ADAMTSL1: variants seen among roughly 807,000 people sequenced by gnomAD.
ADAMTSL1 encodes the protein ADAMTS like 1, also known as ADAMTS-like protein 1.
ADAMTSL1 carries 126 observed loss-of-function variants against 201.8 expected under a neutral mutation model. That is an observed-to-expected ratio of 0.62 (90% CI 0.54 to 0.72). The LOEUF (loss-of-function observed/expected upper bound fraction) is 0.72. Ranked by LOEUF, ADAMTSL1 falls within the 30% of genes least tolerant of loss-of-function variation. The probability of loss-of-function intolerance (pLI) is 0.00; values close to 1 mark genes in which losing one functional copy is unlikely to be tolerated. For missense variants in ADAMTSL1, 2,679 were observed against 2,277.8 expected, an observed-to-expected ratio of 1.18 and a Z score of -3.59; for synonymous variants, 1,121 against 903.4, an observed-to-expected ratio of 1.24 and a Z score of -4.32.
At chr9:17,957,986 A>C (rs1827995890) in intron 1 of ADAMTSL1, among the ~76,000 whole-genome samples, 2 of 152,190 alleles carry the variant, frequency 1.3e-5, no homozygotes, top group Non-Finnish European at 2.9e-5. Flanking sequence ...GAAGCCTCCC[A>C]GTTTGTGGTA....
chr9:18,845,868 G>A (rs895471728), intron 23 of ADAMTSL1, among the ~76,000 whole-genome samples: 2 of 152,202 alleles, frequency 1.3e-5, no homozygotes, highest in Admixed American at 6.5e-5. Flanking sequence ...TCTAAAGGCA[G>A]AGCTCACAGT....
chr9:18,045,473 T>A (rs552672617), intron 1 of ADAMTSL1, among the ~76,000 whole-genome samples: 6 of 152,284 alleles, frequency 3.9e-5, no homozygotes, highest in Admixed American at 3.9e-4. Flanking sequence ...TCTGTAGAGA[T>A]GGTTTTGACT....
In ADAMTSL1 at chr9:18,777,614, C is replaced by T. The variant is rs765933633; in HGVS notation, c.3385C>T (p.Pro1129Ser). 8 of 1,613,494 alleles carry T rather than the reference C, an allele frequency of 5.0e-6. No homozygotes were observed. Reference sequence around the variant, plus strand: ...GAAGCCCTCGGAGCGCAGGACTTCCCCAGTGACTCTCTCGCCTCATAAACA... The same window carrying T: ...GAAGCCCTCGGAGCGCAGGACTTCCTCAGTGACTCTCTCGCCTCATAAACA... ...LLKPSERRTS[P>S]VTLSPHKHVS... The change falls in exon 19 of 29, where the codon CCA (proline) becomes TCA (serine). Residue 1129 changes from proline (P) to serine (S), a missense_variant. Physicochemically the swap from Pro to Ser is moderately conservative, Grantham distance 74 (BLOSUM62 -1). Coordinates refer to ENST00000380548, the MANE Select transcript of ADAMTSL1 (RefSeq NM_001040272.6).
rs190545595 is a variant in ADAMTSL1, at chr9:18,731,662, G to A, written c.2006+9997G>A. On this transcript the variant is annotated intron_variant, in intron 15 of 28. Transcript: ENST00000380548. ...AGAGGTTTAATTAGCTCACAGTTCT[G>A]CAGGCTGTACAGGAAGCATAGCAGC... is the stretch of plus-strand genomic sequence containing the variant. Among the ~76,000 whole-genome samples the A allele has an allele frequency of 2.6e-4, 39 of 152,274 alleles. No individual in the cohort carries two copies. In the South Asian group the frequency reaches 4.4e-3, roughly 17 times the overall value.
At chr9:18,717,665 C>A (rs1347667167) in intron 14 of ADAMTSL1, among the ~76,000 whole-genome samples, 2 of 152,160 alleles carry the variant, frequency 1.3e-5, no homozygotes, top group Admixed American at 6.5e-5. Flanking sequence ...GTATACAGTA[C>A]ACCATTTTCA....
chr9:18,593,190 A>G (rs1318279927), intron 4 of ADAMTSL1, among the ~76,000 whole-genome samples: 2 of 152,064 alleles, frequency 1.3e-5, no homozygotes, highest in Non-Finnish European at 2.9e-5. Context: ...TTTCTTTCCA[A>G]TTTGGAAACC....
intron 2 of ADAMTSL1, among the ~76,000 whole-genome samples, chr9:18,413,146 ATT>A (rs11367468): frequency 0.018 from 2,443 of 132,384 alleles, 20 homozygotes; most frequent in South Asian, 0.037. Flanking sequence ...TCTAAGGATA[ATT>A]TTTTTTTTTT....
chr9:18,192,629 T>C (rs1156580517), intron 2 of ADAMTSL1, among the ~76,000 whole-genome samples: 1 of 152,196 alleles, frequency 6.6e-6, no homozygotes, highest in Non-Finnish European at 1.5e-5. Flanking sequence ...AAGACATTTC[T>C]AAATTTCTTT....
At chr9:18,674,208 A>C (rs2133116500) in intron 9 of ADAMTSL1, among the ~76,000 whole-genome samples, 1 of 144,088 alleles carries the variant, frequency 6.9e-6, no homozygotes, top group African/African-American at 2.7e-5. Flanking sequence ...GCACACACAC[A>C]CACACACACA....
intron 3 of ADAMTSL1, among the ~76,000 whole-genome samples, chr9:18,546,221 A>T (rs138211059): frequency 6.6e-6 from 1 of 152,126 alleles, no homozygotes; most frequent in East Asian, 1.9e-4. Flanking sequence ...TGGCTGTTGG[A>T]GAGTGTTTAG....
At chr9:18,419,637 A>G (rs1381588585) in intron 2 of ADAMTSL1, among the ~76,000 whole-genome samples, 1 of 152,184 alleles carries the variant, frequency 6.6e-6, no homozygotes, top group African/African-American at 2.4e-5. Context: ...TGCTAGACAC[A>G]CTACATGTGA....
At chr9:18,127,076 G>T (rs563603672) in intron 1 of ADAMTSL1, among the ~76,000 whole-genome samples, 2 of 152,152 alleles carry the variant, frequency 1.3e-5, no homozygotes, top group Non-Finnish European at 2.9e-5. Context: ...CAGCATTTCA[G>T]TGTGTAACTG....
chr9:18,665,377 G>A (rs1829369021), intron 9 of ADAMTSL1, among the ~76,000 whole-genome samples: 1 of 151,876 alleles, frequency 6.6e-6, no homozygotes. Context: ...TATATATTTT[G>A]GTCTTTTACA....
At chr9:18,212,298 T>C (rs935286662) in intron 2 of ADAMTSL1, among the ~76,000 whole-genome samples, 1 of 152,170 alleles carries the variant, frequency 6.6e-6, no homozygotes, top group Middle Eastern at 3.2e-3. Context: ...TTATGAACTT[T>C]ATGACCATGT....
At chr9:18,037,118 A>G (rs1460281655) in intron 1 of ADAMTSL1, among the ~76,000 whole-genome samples, 1 of 152,204 alleles carries the variant, frequency 6.6e-6, no homozygotes, top group Non-Finnish European at 1.5e-5. Context: ...ATTTTAAATG[A>G]TGAACTATGC....
chr9:18,299,021 A>AAT (rs1554652779), intron 2 of ADAMTSL1, among the ~76,000 whole-genome samples: 10 of 149,660 alleles, frequency 6.7e-5, no homozygotes, highest in South Asian at 2.1e-4. Flanking sequence ...CAAAAAAAAA[A>AAT]AATAATAATA....
chr9:18,018,418 A>G (rs2131577001), intron 1 of ADAMTSL1, among the ~76,000 whole-genome samples: 1 of 151,998 alleles, frequency 6.6e-6, no homozygotes, highest in South Asian at 2.1e-4. Context: ...TTATTTATGG[A>G]CTCCTTTTGA....
At position 18,908,544 on chromosome 9, in the gene ADAMTSL1, C is replaced by T. The variant is rs1225214581; in HGVS notation, c.5285C>T (p.Ala1762Val). Residue 1762 changes from alanine to valine, a missense_variant, in exon 29 of 29, where the codon GCG becomes GTG. Transcript: ENST00000380548. ...CGCTGCTGTGGAACTTGTGGCAAAG[C>T]GTGAAGATAGGGTGTGGGGAAAAAC... Reference protein sequence around the residue: ...KSRCCGTCGKA With the variant: ...KSRCCGTCGKV 1.0e-5 allele frequency: 16 copies of T among 1,558,980 alleles called. No homozygotes were observed. Among genetic ancestry groups the T allele is most frequent in the African/African-American group, 2.7e-5 (2 of 73,276 alleles).
chr9:18,599,452 C>A (rs1391213401), intron 4 of ADAMTSL1, among the ~76,000 whole-genome samples: 2 of 152,128 alleles, frequency 1.3e-5, no homozygotes, highest in Non-Finnish European at 2.9e-5. Context: ...AGCACTGATT[C>A]TCCTCATGCA....
Sources: allele counts gnomAD v4.1 joint callset (sites outside exome capture counted in the v4.1 genomes callset), GRCh38; gene constraint gnomAD v4.1.1; transcripts MANE v1.5; gene names NCBI Gene and HGNC (gene_info 2026-07-23, HGNC 2026-07-21).